PKHD1: variants seen among roughly 807,000 people sequenced by gnomAD.
The protein encoded by PKHD1 is PKHD1 ciliary IPT domain containing fibrocystin/polyductin, also known as fibrocystin.
Under a neutral mutation model 412.0 loss-of-function variants are expected in PKHD1, and 291 were observed. The observed-to-expected ratio is 0.71, with a 90% CI of 0.64 to 0.78. The LOEUF (loss-of-function observed/expected upper bound fraction) is 0.78. PKHD1 is among the 30% of genes least tolerant of loss of function. The pLI is 0.00. For synonymous variants in PKHD1, 1,777 were observed against 1,821.5 expected (o/e 0.98, Z 0.62); for missense variants, 4,825 against 4,950.7 (o/e 0.97, Z 0.76).
intron 52 of PKHD1, among the ~76,000 whole-genome samples, chr6:51,792,911 A>C (rs1257885772): frequency 6.6e-6 from 1 of 152,192 alleles, no homozygotes; most frequent in Non-Finnish European, 1.5e-5. Context: ...AATTATATAC[A>C]TACATTATTG....
chr6:51,739,967 G>A (rs1198806005), intron 60 of PKHD1: 1 of 518,532 alleles, frequency 1.9e-6, no homozygotes, highest in Non-Finnish European at 3.9e-6. Context: ...GGAAAGCTTT[G>A]GTATCTGCCT....
intron 55 of PKHD1, among the ~76,000 whole-genome samples, chr6:51,766,980 T>A (rs1284741590): frequency 6.6e-6 from 1 of 152,132 alleles, no homozygotes. Flanking sequence ...AATAATTTTA[T>A]GGTTTTAACT....
chr6:51,811,960 A>G (rs1764744578), intron 52 of PKHD1, among the ~76,000 whole-genome samples: 1 of 152,210 alleles, frequency 6.6e-6, no homozygotes, highest in African/African-American at 2.4e-5. Flanking sequence ...GAACAAAGTT[A>G]CAGAAGCCTA....
intron 60 of PKHD1, among the ~76,000 whole-genome samples, chr6:51,720,039 A>C (rs543849907): frequency 6.6e-6 from 1 of 152,226 alleles, no homozygotes; most frequent in East Asian, 1.9e-4. Context: ...ATGTGTGTGC[A>C]TGGAGGCAGG....
chr6:51,957,617 T>TG (rs1791347050), intron 36 of PKHD1, among the ~76,000 whole-genome samples: 1 of 152,104 alleles, frequency 6.6e-6, no homozygotes, highest in African/African-American at 2.4e-5. Flanking sequence ...GGTTCACTGA[T>TG]GGGGTGGTCA....
intron 60 of PKHD1, among the ~76,000 whole-genome samples, chr6:51,684,516 T>C (rs1186693578): frequency 2.0e-5 from 3 of 151,912 alleles, no homozygotes; most frequent in African/African-American, 7.3e-5. Context: ...CAATCTGACA[T>C]TGTGACCTAC....
chr6:51,721,706 G>A (rs945469056), intron 60 of PKHD1: 13 of 1,299,066 alleles, frequency 1.0e-5, no homozygotes, highest in African/African-American at 6.0e-5. Flanking sequence ...TCCTGACTAC[G>A]GACAATGGTG....
intron 60 of PKHD1, chr6:51,741,008 C>T (rs1453642033): frequency 4.1e-6 from 2 of 490,460 alleles, no homozygotes; most frequent in East Asian, 5.5e-5. Context: ...CACACACATA[C>T]ATGCTTGTCC....
chr6:51,619,480 G>A lies in PKHD1; in HGVS notation c.11826C>T (p.Cys3942=). ...MKVMLGKVNQ[C]PHQLMNGVSR... ...ACACTCCATTCATCAACTGGTGGGGGCACTGGTTCACCTTGCCCAGCATGA... is the reference window on the plus strand; with the variant it reads ...ACACTCCATTCATCAACTGGTGGGGACACTGGTTCACCTTGCCCAGCATGA... The change falls in exon 67 of 67, where the codon TGC becomes TGT. Residue 3942 remains cysteine (C), a synonymous_variant. Coordinates refer to ENST00000371117, the MANE Select transcript of PKHD1 (RefSeq NM_138694.4). The A allele has an allele frequency of 6.2e-7, 1 of 1,614,128 alleles. No homozygotes were observed. Among genetic ancestry groups the A allele is most frequent in the African/African-American group, 1.3e-5 (1 of 75,052 alleles).
At chr6:51,872,670 A>T (rs1044130940) in intron 46 of PKHD1, among the ~76,000 whole-genome samples, 12 of 152,074 alleles carry the variant, frequency 7.9e-5, no homozygotes, top group Non-Finnish European at 7.4e-5. Flanking sequence ...CGGCCTCCCA[A>T]ACTGCTGGGA....
chr6:51,724,297 C>G (rs1184122891), intron 60 of PKHD1, among the ~76,000 whole-genome samples: 2 of 152,124 alleles, frequency 1.3e-5, no homozygotes, highest in Non-Finnish European at 2.9e-5. Flanking sequence ...AAACAATTAT[C>G]TAGTCTTTGA....
intron 53 of PKHD1, among the ~76,000 whole-genome samples, chr6:51,778,775 A>T (rs1791486712): frequency 6.6e-6 from 1 of 152,180 alleles, no homozygotes; most frequent in African/African-American, 2.4e-5. Context: ...GGAATCAAGT[A>T]TAATCCTAGT....
At chr6:51,655,624 C>T (rs1311432046) in intron 61 of PKHD1, among the ~76,000 whole-genome samples, 2 of 152,088 alleles carry the variant, frequency 1.3e-5, no homozygotes, top group African/African-American at 2.4e-5. Flanking sequence ...CAAATTACCA[C>T]AGTCAGTGGC....
chr6:51,765,157 T>C (rs1205413956), intron 55 of PKHD1, among the ~76,000 whole-genome samples: 1 of 151,964 alleles, frequency 6.6e-6, no homozygotes, highest in Non-Finnish European at 1.5e-5. Flanking sequence ...TCAAAACACC[T>C]GCAGCACTCT....
At chr6:51,845,883 G>C (rs1771060492) in intron 50 of PKHD1, among the ~76,000 whole-genome samples, 1 of 151,970 alleles carries the variant, frequency 6.6e-6, no homozygotes, top group African/African-American at 2.4e-5. Flanking sequence ...AGATTATTTT[G>C]CAGTTCATGA....
At chr6:51,884,190 TG>T (rs1370499036) in intron 45 of PKHD1, among the ~76,000 whole-genome samples, 1 of 152,202 alleles carries the variant, frequency 6.6e-6, no homozygotes, top group African/African-American at 2.4e-5. Context: ...AGTTAATTTT[TG>T]TAAGTAGCAT....
intron 52 of PKHD1, among the ~76,000 whole-genome samples, chr6:51,811,581 T>C (rs554225189): frequency 3.3e-5 from 5 of 152,300 alleles, no homozygotes; most frequent in South Asian, 4.1e-4. Context: ...AGTCAAACTA[T>C]TGGGTCCAAA....
chr6:52,039,261 G>A (rs1367677388), intron 27 of PKHD1, among the ~76,000 whole-genome samples: 1 of 152,182 alleles, frequency 6.6e-6, no homozygotes, highest in East Asian at 1.9e-4. Flanking sequence ...GATATGGTTT[G>A]GCTCTGCGTC....
chr6:51,715,327 A>C (rs534116660), intron 60 of PKHD1, among the ~76,000 whole-genome samples: 4,272 of 152,248 alleles, frequency 0.028, 216 homozygotes, highest in African/African-American at 0.098. Flanking sequence ...CCCCTCCTTC[A>C]TTATGCTTCT....
Sources: allele counts gnomAD v4.1 joint callset (sites outside exome capture counted in the v4.1 genomes callset), GRCh38; gene constraint gnomAD v4.1.1; transcripts MANE v1.5; gene names NCBI Gene and HGNC (gene_info 2026-07-23, HGNC 2026-07-21).